The following DHRS7B variants were observed in gnomAD, a reference collection of about 807,000 sequenced individuals.
The protein encoded by DHRS7B is peroxisomal reductase activating PPAR-gamma.
DHRS7B carries 24 observed loss-of-function variants against 26.4 expected under a neutral mutation model. The ratio of observed to expected loss-of-function variants is 0.91; its 90% CI spans 0.66 to 1.28. The LOEUF (loss-of-function observed/expected upper bound fraction) is 1.28, where lower values mean the gene tolerates loss of function less well. Among genes scored for constraint, DHRS7B ranks in the 50% most tolerant of loss-of-function variants. DHRS7B has a pLI of 0.00. For missense variants in DHRS7B, 368 were observed against 419.4 expected, an observed-to-expected ratio of 0.88 and a Z score of 1.07; for synonymous variants, 142 against 166.4, an observed-to-expected ratio of 0.85 and a Z score of 1.13.
chr17:21,135,957 T>C (rs1973331373), intron 1 of DHRS7B, among the ~76,000 whole-genome samples: 1 of 152,194 alleles, frequency 6.6e-6, no homozygotes, highest in South Asian at 2.1e-4. Flanking sequence ...GATGGGCATC[T>C]TCTATGGGGC....
intron 6 of DHRS7B, among the ~76,000 whole-genome samples, chr17:21,190,431 T>C (rs7207712): frequency 0.022 from 3,297 of 152,258 alleles, 124 homozygotes; most frequent in African/African-American, 0.076. Context: ...CTCAGTGAGC[T>C]TGTGCATATG....
rs927246506 is a variant in DHRS7B, at chr17:21,168,883, G to A, written c.21-3135G>A. On this transcript the variant is annotated intron_variant, in intron 1 of 6. Coordinates refer to ENST00000395511, the MANE Select transcript of DHRS7B (RefSeq NM_015510.5). ...CAGGTGCTCAAGGAATCCCAGAAGT[G>A]TACAAGACGGTGTGTAGTTTTCGCT... The A allele has an allele frequency of 1.7e-5, 17 of 985,334 alleles. No individual in the cohort carries two copies. The Admixed American group carries it at 8.6e-4, about 50-fold the overall frequency. The allele number at this position is 985,334 out of a possible 1,614,324, so 61.0% of individuals were successfully genotyped here. A position where few individuals can be genotyped will look rare whatever the true frequency, so the allele number is the denominator to read the frequency against.
At position 21,138,071 on chromosome 17, in the gene DHRS7B, A is replaced by AAAAAC. The variant is rs1973390861; in HGVS notation, c.20+11084_20+11085insCAAAA. ...TACAGGTGCCCGGCCTCTTTTAAAA[A>AAAAAC]AAAAATATATATATATATATATATA... On this transcript the variant is annotated intron_variant, in intron 1 of 6. Transcript: ENST00000395511. Among the ~76,000 whole-genome samples, 4 of 44,312 alleles carry AAAAAC rather than the reference A, an allele frequency of 9.0e-5. No individual in the cohort carries two copies. In the South Asian group the frequency reaches 3.7e-3, roughly 41 times the overall value. The allele number at this position is 44,312 out of a possible 152,430, so 29.1% of individuals were successfully genotyped here.
At chr17:21,159,778 G>A (rs1322310279) in intron 1 of DHRS7B, among the ~76,000 whole-genome samples, 1 of 147,394 alleles carries the variant, frequency 6.8e-6, no homozygotes, top group Non-Finnish European at 1.5e-5. Context: ...GGAAGCTGAG[G>A]CAGGAGAATC....
In DHRS7B at chr17:21,188,785, G is replaced by T; in HGVS notation, c.694G>T (p.Val232Leu). 1 of 1,614,034 alleles carries T rather than the reference G, an allele frequency of 6.2e-7. No homozygotes were observed. The highest frequency in any genetic ancestry group is 8.5e-7 in the Non-Finnish European group (1 of 1,179,998). ...CGAGATGGAACAGTATGAAATTGAG[G>T]TGACCGTCATCAGCCCCGGCTACAT... ...RAEMEQYEIE[V>L]TVISPGYIHT... is the part of the protein sequence containing the mutation. Residue 232 changes from valine to leucine, a missense_variant, in exon 6 of 7, where the codon GTG becomes TTG. Val to Leu is a conservative substitution (Grantham distance 32). Transcript: ENST00000395511.
chr17:21,138,091 T>TACACACACACACACACACAC (rs1207234984), intron 1 of DHRS7B, among the ~76,000 whole-genome samples: 2 of 53,414 alleles, frequency 3.7e-5, no homozygotes, highest in African/African-American at 1.5e-4. Context: ...TATATATATA[T>TACACACACACACACACACAC]ATATATATAT....
At chr17:21,179,322 C>A (rs899099839) in intron 3 of DHRS7B, among the ~76,000 whole-genome samples, 4 of 152,132 alleles carry the variant, frequency 2.6e-5, no homozygotes, top group African/African-American at 9.7e-5. Flanking sequence ...CAAGGCCAGG[C>A]ACTGTGGCTC....
intron 1 of DHRS7B, among the ~76,000 whole-genome samples, chr17:21,154,428 C>G (rs1459500337): frequency 1.3e-5 from 2 of 152,030 alleles, no homozygotes; most frequent in Non-Finnish European, 2.9e-5. Context: ...AATTCTGTAC[C>G]CTGCACAATT....
intron 1 of DHRS7B, among the ~76,000 whole-genome samples, chr17:21,161,094 G>T (rs1444851287): frequency 6.6e-6 from 1 of 152,190 alleles, no homozygotes; most frequent in African/African-American, 2.4e-5. Context: ...TTAGGGCAGT[G>T]AAACTATTCT....
intron 1 of DHRS7B, among the ~76,000 whole-genome samples, chr17:21,145,264 G>A (rs534540307): frequency 1.0e-3 from 157 of 151,898 alleles, no homozygotes; most frequent in Non-Finnish European, 1.9e-3. Context: ...GTGGAGCTTG[G>A]AGTAAGCCGG....
At chr17:21,178,397 C>T (rs903847153) in intron 3 of DHRS7B, 55 bp downstream of exon 3, 1 of 1,442,184 alleles carries the variant, frequency 6.9e-7, no homozygotes, top group East Asian at 2.3e-5. Context: ...CTTCTGTAGG[C>T]ACTGAGGAGA....
chr17:21,176,131 C>T (rs1363642694), intron 2 of DHRS7B, among the ~76,000 whole-genome samples: 2 of 151,998 alleles, frequency 1.3e-5, no homozygotes, highest in Admixed American at 6.5e-5. Flanking sequence ...GCTGGGACTA[C>T]AGGCATGCGC....
At chr17:21,151,169 G>T (rs756574467) in intron 1 of DHRS7B, among the ~76,000 whole-genome samples, 1 of 152,126 alleles carries the variant, frequency 6.6e-6, no homozygotes, top group East Asian at 1.9e-4. Flanking sequence ...AGAAATGGCC[G>T]CAGGGCTTTG....
chr17:21,191,380 G>A lies in DHRS7B; in HGVS notation c.*227G>A. 1.8e-6 allele frequency: 1 copy of A among 550,472 alleles called. No homozygotes were observed. Among genetic ancestry groups the A allele is most frequent in the Non-Finnish European group, 3.2e-6 (1 of 309,338 alleles). The allele number at this position is 550,472 out of a possible 1,614,324, so 34.1% of individuals were successfully genotyped here. ...CTTAAGGAATAAATATGGAGCTGGG[G>A]TTTAACACTAAAAACTAGAAATAAA... On this transcript the variant is annotated 3_prime_UTR_variant, in exon 7 of 7. Transcript: ENST00000395511.
chr17:21,145,318 C>T (rs541760614), intron 1 of DHRS7B, among the ~76,000 whole-genome samples: 87 of 149,486 alleles, frequency 5.8e-4, no homozygotes, highest in African/African-American at 1.9e-3. Flanking sequence ...AGCGAGACGC[C>T]GTCTAAAAAA....
At chr17:21,165,449 C>G (rs1318742892) in intron 1 of DHRS7B, among the ~76,000 whole-genome samples, 1 of 151,978 alleles carries the variant, frequency 6.6e-6, no homozygotes, top group Non-Finnish European at 1.5e-5. Context: ...CTTCAGCCTC[C>G]CAAGTAGCTG....
At chr17:21,152,205 A>C (rs754434729) in intron 1 of DHRS7B, among the ~76,000 whole-genome samples, 16 of 152,134 alleles carry the variant, frequency 1.1e-4, no homozygotes, top group Non-Finnish European at 2.4e-4. Flanking sequence ...CCCAGGCCAG[A>C]GTGTACTGTC....
chr17:21,181,158 C>T (rs559643526), intron 3 of DHRS7B, among the ~76,000 whole-genome samples: 1 of 152,134 alleles, frequency 6.6e-6, no homozygotes, highest in East Asian at 1.9e-4. Context: ...GCAATCATGG[C>T]TCACTGCAGC....
intron 1 of DHRS7B, among the ~76,000 whole-genome samples, chr17:21,163,003 C>A (rs1423629255): frequency 6.6e-5 from 10 of 151,964 alleles, no homozygotes; most frequent in South Asian, 2.1e-4. Flanking sequence ...CGAGACCAGC[C>A]TGGCCAGCAT....
Sources: allele counts gnomAD v4.1 joint callset (sites outside exome capture counted in the v4.1 genomes callset), GRCh38; gene constraint gnomAD v4.1.1; transcripts MANE v1.5; gene names NCBI Gene and HGNC (gene_info 2026-07-23, HGNC 2026-07-21).